The following SHANK2 variants were observed in gnomAD, a reference collection of about 807,000 sequenced individuals.
SHANK2 encodes the protein SH3 and multiple ankyrin repeat domains 2.
A neutral mutation model predicts 133.7 loss-of-function variants in SHANK2; 43 were observed. The ratio of observed to expected loss-of-function variants is 0.32; its 90% CI spans 0.25 to 0.41. The LOEUF is 0.41. Among genes scored for constraint, SHANK2 ranks in the 10% least tolerant of loss-of-function variants. SHANK2 has a pLI of 1.00. For missense variants in SHANK2, 1,994 were observed against 2,235.8 expected, an observed-to-expected ratio of 0.89 and a Z score of 2.18; for synonymous variants, 1,017 against 952.8, an observed-to-expected ratio of 1.07 and a Z score of -1.24.
chr11:70,561,123 T>C (rs2059904428), intron 17 of SHANK2, among the ~76,000 whole-genome samples: 1 of 152,150 alleles, frequency 6.6e-6, no homozygotes, highest in Admixed American at 6.5e-5. Context: ...TATGTGTGTC[T>C]TCTCTTTTCT....
intron 2 of SHANK2, among the ~76,000 whole-genome samples, chr11:71,189,562 T>A (rs935964701): frequency 5.3e-5 from 8 of 152,112 alleles, no homozygotes; most frequent in Admixed American, 2.0e-4. Flanking sequence ...CACACCCAGC[T>A]AAGTTTTTTT....
intron 10 of SHANK2, among the ~76,000 whole-genome samples, chr11:70,942,141 C>T (rs937595706): frequency 1.3e-5 from 2 of 152,016 alleles, no homozygotes; most frequent in Non-Finnish European, 2.9e-5. Flanking sequence ...GAACTGAGAT[C>T]ACACCACTGC....
At chr11:70,709,335 G>A (rs1358835251) in intron 14 of SHANK2, among the ~76,000 whole-genome samples, 3 of 152,236 alleles carry the variant, frequency 2.0e-5, no homozygotes, top group African/African-American at 7.2e-5. Context: ...CATGAACACG[G>A]GCCCAGGAGC....
At position 70,926,210 on chromosome 11, in the gene SHANK2, C is replaced by G. The variant is rs112363827; in HGVS notation, c.1108-29643G>C. Reference sequence around the variant, plus strand: ...ATCCCTTGAGCTCAGGAGTTCGAGACCAGCCTGGGCAACAGAGTGAGACTC... The same window carrying G: ...ATCCCTTGAGCTCAGGAGTTCGAGAGCAGCCTGGGCAACAGAGTGAGACTC... On this transcript the variant is annotated intron_variant, in intron 10 of 25. Coordinates refer to ENST00000601538, the MANE Select transcript of SHANK2 (RefSeq NM_012309.5). Among the ~76,000 whole-genome samples, 1,093 of 152,196 alleles carry G rather than the reference C, an allele frequency of 7.2e-3. 12 individuals are homozygous for G. Among genetic ancestry groups the G allele is most frequent in the African/African-American group, 0.026 (1,067 of 41,522 alleles).
chr11:71,075,957 G>T (rs914650274), intron 8 of SHANK2, among the ~76,000 whole-genome samples: 1 of 151,990 alleles, frequency 6.6e-6, no homozygotes, highest in Admixed American at 6.5e-5. Flanking sequence ...ACTTTCGCCT[G>T]AGTACCTATG....
rs782804072 is a variant in SHANK2 at position 70,486,426 on chromosome 11, G to T, written c.3867C>A (p.Asp1289Glu). ...TGTTCTTCTTGTCATCGCCTTTCCGGTCTCGGCCCAGGTCGGTCTCGTACT... is the reference window on the plus strand; with the variant it reads ...TGTTCTTCTTGTCATCGCCTTTCCGTTCTCGGCCCAGGTCGGTCTCGTACT... ...ENKYETDLGR[D>E]RKGDDKKNML... The change falls in exon 25 of 26, where the codon GAC becomes GAA. Residue 1289 changes from aspartate to glutamate, a missense_variant. This residue lies in a region of SHANK2 where 797 missense variants were observed against 907.4 expected (regional missense o/e 0.88). Coordinates refer to ENST00000601538, the MANE Select transcript of SHANK2 (RefSeq NM_012309.5). This position sits in a 1 kb window ranked among gnomAD's most constrained non-coding sequence, Gnocchi z 8.0. 1.2e-6 allele frequency: 2 copies of T among 1,614,044 alleles called. No individual in the cohort carries two copies. The highest frequency in any genetic ancestry group is 8.5e-7 in the Non-Finnish European group (1 of 1,180,018).
At chr11:70,663,607 C>T (rs572444950) in intron 15 of SHANK2, among the ~76,000 whole-genome samples, 1 of 152,302 alleles carries the variant, frequency 6.6e-6, no homozygotes, top group Non-Finnish European at 1.5e-5. Context: ...AAGACCAGGA[C>T]AATCCAGGTG....
chr11:71,248,214 C>A (rs1383115585), intron 1 of SHANK2, among the ~76,000 whole-genome samples: 1 of 152,248 alleles, frequency 6.6e-6, no homozygotes, highest in Admixed American at 6.5e-5. Flanking sequence ...TCAGTACTGG[C>A]GCCATGGCCA....
At chr11:70,732,179 T>C (rs1025542249) in intron 14 of SHANK2, among the ~76,000 whole-genome samples, 1 of 152,030 alleles carries the variant, frequency 6.6e-6, no homozygotes, top group Non-Finnish European at 1.5e-5. Context: ...TCGCCCAACA[T>C]CACACGTAAC....
intron 23 of SHANK2, 32 bp downstream of exon 23, chr11:70,490,244 C>A: frequency 1.9e-6 from 3 of 1,573,002 alleles, no homozygotes; most frequent in Non-Finnish European, 2.6e-6. Context: ...AGCCCAGGGG[C>A]AACTTCTGTG....
chr11:70,599,800 A>G, intron 17 of SHANK2, among the ~76,000 whole-genome samples: 1 of 148,732 alleles, frequency 6.7e-6, no homozygotes, highest in Non-Finnish European at 1.5e-5. Flanking sequence ...AGAAGAAAAG[A>G]AAAGAAAGAA....
At chr11:70,737,633 T>G (rs1946432374) in intron 14 of SHANK2, among the ~76,000 whole-genome samples, 1 of 152,080 alleles carries the variant, frequency 6.6e-6, no homozygotes, top group African/African-American at 2.4e-5. Context: ...TCCCTGACCC[T>G]CTAGAGAGGG....
chr11:70,589,692 A>C (rs186363281), intron 17 of SHANK2, among the ~76,000 whole-genome samples: 51 of 152,360 alleles, frequency 3.3e-4, no homozygotes, highest in African/African-American at 1.2e-3. Context: ...GAAAGGATTC[A>C]CCATTCTAGA....
At chr11:70,943,792 G>C (rs1021497498) in intron 10 of SHANK2, 1 of 402,482 alleles carries the variant, frequency 2.5e-6, no homozygotes, top group South Asian at 1.9e-5. Flanking sequence ...TCTACATGGG[G>C]TATGAGCTGC....
At chr11:70,719,981 G>T (rs1555028563) in intron 14 of SHANK2, among the ~76,000 whole-genome samples, 1 of 152,134 alleles carries the variant, frequency 6.6e-6, no homozygotes, top group African/African-American at 2.4e-5. Context: ...AAAAGGGTTG[G>T]TCCCTTCCCA....
intron 18 of SHANK2, 73 bp from the exon 19 acceptor site, chr11:70,502,359 G>C (rs1213795365): frequency 7.0e-7 from 1 of 1,421,014 alleles, no homozygotes; most frequent in Non-Finnish European, 9.6e-7. Flanking sequence ...GCTAGCAGTG[G>C]CCCTGTGGCT....
chr11:71,200,265 G>A (rs782255902), intron 2 of SHANK2, among the ~76,000 whole-genome samples: 2 of 152,154 alleles, frequency 1.3e-5, no homozygotes, highest in Non-Finnish European at 2.9e-5. Flanking sequence ...ATGTCCTCAA[G>A]GTGTATCTAT....
intron 14 of SHANK2, among the ~76,000 whole-genome samples, chr11:70,752,196 C>T (rs900428967): frequency 1.3e-5 from 2 of 152,086 alleles, no homozygotes; most frequent in African/African-American, 2.4e-5. Flanking sequence ...CAATCCCTCC[C>T]CCCTTGGCCT....
chr11:70,741,506 ATGTATC>A (rs1309485366), intron 14 of SHANK2, among the ~76,000 whole-genome samples: 1 of 151,906 alleles, frequency 6.6e-6, no homozygotes, highest in Non-Finnish European at 1.5e-5. Context: ...CATCCACCCC[ATGTATC>A]TGTCTGTACC....
Sources: allele counts gnomAD v4.1 joint callset (sites outside exome capture counted in the v4.1 genomes callset), GRCh38; gene constraint gnomAD v4.1.1; regional missense constraint gnomAD v4.1.1; non-coding constraint Gnocchi (gnomAD v3.1); transcripts MANE v1.5; gene names NCBI Gene and HGNC (gene_info 2026-07-23, HGNC 2026-07-21).